PCDHGA8: variants seen among roughly 807,000 people sequenced by gnomAD.
PCDHGA8 encodes the protein protocadherin gamma subfamily A, 8, also known as protocadherin gamma-A8.
A neutral mutation model predicts 59.2 loss-of-function variants in PCDHGA8; 45 were observed. The observed-to-expected ratio is 0.76, with a 90% CI of 0.60 to 0.98. PCDHGA8 has a LOEUF of 0.98. Ranked by LOEUF, PCDHGA8 falls within the 50% of genes least tolerant of loss-of-function variation. The probability of loss-of-function intolerance (pLI) is 0.00; values close to 1 mark genes in which losing one functional copy is unlikely to be tolerated. For synonymous variants in PCDHGA8, 531 were observed against 519.0 expected (o/e 1.02, Z -0.32); for missense variants, 1,257 against 1,196.2 (o/e 1.05, Z -0.75).
intron 1 of PCDHGA8, chr5:141,417,773 T>C: frequency 6.9e-7 from 1 of 1,458,374 alleles, no homozygotes; most frequent in South Asian, 1.4e-5. Context: ...GGACTCCTCC[T>C]GTCCTGGGCC....
At chr5:141,405,442 C>A in intron 1 of PCDHGA8, 1 of 1,378,146 alleles carries the variant, frequency 7.3e-7, no homozygotes, top group Non-Finnish European at 1.0e-6. Context: ...GTTTTTGAGA[C>A]AGAGTCTTAC....
intron 1 of PCDHGA8, chr5:141,478,285 T>G (rs1468354835): frequency 6.2e-7 from 1 of 1,614,040 alleles, no homozygotes; most frequent in Non-Finnish European, 8.5e-7. Context: ...GGAAGCAGTC[T>G]AGAGACCTAT....
intron 1 of PCDHGA8, chr5:141,426,597 T>C (rs2096946172): frequency 2.6e-6 from 1 of 377,476 alleles, no homozygotes. Context: ...TGTCATACCC[T>C]TAGAGATTGT....
At chr5:141,499,779 C>T (rs1450026011) in intron 2 of PCDHGA8, among the ~76,000 whole-genome samples, 3 of 151,452 alleles carry the variant, frequency 2.0e-5, no homozygotes, top group Non-Finnish European at 4.4e-5. Flanking sequence ...CTTCGCCTCC[C>T]GGGTTCAAGC....
At chr5:141,458,217 T>C (rs1026901943) in intron 1 of PCDHGA8, among the ~76,000 whole-genome samples, 1 of 152,210 alleles carries the variant, frequency 6.6e-6, no homozygotes, top group Admixed American at 6.5e-5. Context: ...AAAATAAGTT[T>C]CCTTTCCCAG....
chr5:141,431,670 T>C lies in PCDHGA8; in HGVS notation c.2424+36433T>C, dbSNP rs767342240. 1 of 1,614,070 alleles carries C rather than the reference T, an allele frequency of 6.2e-7. No homozygotes were observed. The highest frequency in any genetic ancestry group is 8.5e-7 in the Non-Finnish European group (1 of 1,180,026). On this transcript the variant is annotated intron_variant, in intron 1 of 3. Coordinates refer to ENST00000398604, the MANE Select transcript of PCDHGA8 (RefSeq NM_032088.2). This position sits in a 1 kb window ranked among gnomAD's most constrained non-coding sequence, Gnocchi z 4.8. ...TGTAATTCAGGGACAATATCAACAATAGGGGAGTTGGACCACGAGGAGTCA... is the reference window on the plus strand; with the variant it reads ...TGTAATTCAGGGACAATATCAACAACAGGGGAGTTGGACCACGAGGAGTCA...
Position 141,394,724 on chromosome 5 carries a change from G to T in PCDHGA8, c.1911G>T (p.Ala637=). 1 of 1,613,380 alleles carries T rather than the reference G, an allele frequency of 6.2e-7. No homozygotes were observed. The highest frequency in any genetic ancestry group is 8.5e-7 in the Non-Finnish European group (1 of 1,179,974). ...CGCGAGCCCTGCTGGACAGAGATGC[G>T]CTCAAGCAGAGCCTCGTGGTGGCCG... ...RTARALLDRD[A]LKQSLVVAVQ... Residue 637 remains alanine, a synonymous_variant, in exon 1 of 4, where the codon GCG becomes GCT. Coordinates refer to ENST00000398604, the MANE Select transcript of PCDHGA8 (RefSeq NM_032088.2).
At chr5:141,417,440 T>C (rs889107076) in intron 1 of PCDHGA8, 1 of 166,232 alleles carries the variant, frequency 6.0e-6, no homozygotes, top group African/African-American at 2.4e-5. Flanking sequence ...TAAAAAGATA[T>C]GATAGTTATG....
At chr5:141,422,138 T>G (rs1201680879) in intron 1 of PCDHGA8, 1 of 1,587,640 alleles carries the variant, frequency 6.3e-7, no homozygotes, top group Admixed American at 1.9e-5. Context: ...GAAGTTCAAG[T>G]ACGGGGGTCT....
intron 1 of PCDHGA8, chr5:141,422,812 T>C: frequency 6.2e-7 from 1 of 1,614,206 alleles, no homozygotes; most frequent in South Asian, 1.1e-5. Context: ...GTTTCGAGAC[T>C]TAGAACTGAG....
intron 1 of PCDHGA8, among the ~76,000 whole-genome samples, chr5:141,425,045 C>T (rs1374682125): frequency 6.6e-6 from 1 of 152,136 alleles, no homozygotes; most frequent in East Asian, 1.9e-4. Context: ...TGTAAACTGA[C>T]TATCTAGGGC....
intron 1 of PCDHGA8, chr5:141,400,276 C>T: frequency 6.2e-7 from 1 of 1,614,048 alleles, no homozygotes; most frequent in Non-Finnish European, 8.5e-7. Flanking sequence ...CTCCTCCAGC[C>T]CTGCCGCCTG....
rs377060474 is a variant in PCDHGA8, at chr5:141,487,810, C to A, written c.2425-6997C>A. The A allele has an allele frequency of 7.4e-4, 1,055 of 1,417,844 alleles. 13 individuals carry two copies. In the South Asian group the frequency reaches 0.013, roughly 17 times the overall value. The allele number at this position is 1,417,844 out of a possible 1,614,324, so 87.8% of individuals were successfully genotyped here. A position where few individuals can be genotyped will look rare whatever the true frequency, so the allele number is the denominator to read the frequency against. ...ATTAACCAGAGTTGTCACAGTTTAG[C>A]ATTGGGGGCGGGTCATGCCTATATC... On this transcript the variant is annotated intron_variant, in intron 1 of 3. Transcript: ENST00000398604. The surrounding 1 kb of genome is among the most constrained non-coding windows in gnomAD (Gnocchi z 5.0).
intron 1 of PCDHGA8, chr5:141,413,167 C>G: frequency 6.3e-7 from 1 of 1,590,828 alleles, no homozygotes; most frequent in Non-Finnish European, 8.6e-7. Context: ...ATTCTGTAAC[C>G]AGACTACAAT....
chr5:141,427,652 G>T, intron 1 of PCDHGA8: 1 of 721,166 alleles, frequency 1.4e-6, no homozygotes, highest in Non-Finnish European at 2.5e-6. Flanking sequence ...TCTCCTACGT[G>T]GTCCACGTGG....
chr5:141,439,625 CCA>C (rs1281773200), intron 1 of PCDHGA8, among the ~76,000 whole-genome samples: 1 of 152,150 alleles, frequency 6.6e-6, no homozygotes, highest in African/African-American at 2.4e-5. Flanking sequence ...GAGCCAATCC[CCA>C]GACATTCCGG....
chr5:141,473,233 C>T (rs116489525), intron 1 of PCDHGA8, among the ~76,000 whole-genome samples: 1,684 of 152,238 alleles, frequency 0.011, 34 homozygotes, highest in African/African-American at 0.039. Flanking sequence ...ATTGGATCCA[C>T]ACAAGTGAAT....
chr5:141,421,931 A>T, intron 1 of PCDHGA8: 1 of 1,613,556 alleles, frequency 6.2e-7, no homozygotes, highest in East Asian at 2.2e-5. Context: ...GTGGTCCTCG[A>T]TGTAAATGAT....
chr5:141,412,839 G>A, intron 1 of PCDHGA8: 1 of 203,324 alleles, frequency 4.9e-6, no homozygotes, highest in Admixed American at 5.8e-5. Context: ...TTAAAGATAG[G>A]AGTGGAGAAA....
Sources: gnomAD v4.1 joint callset for allele counts (sites outside exome capture counted in the v4.1 genomes callset) on GRCh38, gnomAD v4.1.1 for gene constraint, Gnocchi (gnomAD v3.1) non-coding constraint, MANE v1.5 for transcripts, NCBI Gene and HGNC (gene_info 2026-07-23, HGNC 2026-07-21) for gene names.